Variants in PCDHGA11 observed in about 807,000 individuals in gnomAD.
PCDHGA11 encodes protocadherin gamma-A11.
In PCDHGA11, 39 loss-of-function variants were observed where a neutral mutation model predicts 60.4. That is an observed-to-expected ratio of 0.65 (90% CI 0.50 to 0.84). The LOEUF is 0.84. Ranked by LOEUF, PCDHGA11 falls within the 40% of genes least tolerant of loss-of-function variation. The probability of loss-of-function intolerance (pLI) is 0.00; values close to 1 mark genes in which losing one functional copy is unlikely to be tolerated. For synonymous variants in PCDHGA11, 533 were observed against 510.3 expected (o/e 1.04, Z -0.60); for missense variants, 1,165 against 1,197.7 (o/e 0.97, Z 0.40).
intron 1 of PCDHGA11, chr5:141,478,576 G>T (rs543160289): frequency 5.0e-6 from 8 of 1,585,598 alleles, no homozygotes; most frequent in Non-Finnish European, 6.9e-6. Flanking sequence ...GCTTGACCCT[G>T]TTAGTGCTTT....
rs765743251 is a variant in PCDHGA11 at position 141,476,488 on chromosome 5, G to A, written c.2434-18319G>A. ...TGGAGCTGTTCAGCGTGGAAGTGGTGATCCAGGACATCAACGACAACAATC... is the reference window on the plus strand; with the variant it reads ...TGGAGCTGTTCAGCGTGGAAGTGGTAATCCAGGACATCAACGACAACAATC... On this transcript the variant is annotated intron_variant, in intron 1 of 3. Coordinates refer to ENST00000398587, the MANE Select transcript of PCDHGA11 (RefSeq NM_018914.3). This position sits in a 1 kb window ranked among gnomAD's most constrained non-coding sequence, Gnocchi z 7.6. 4 of 1,613,932 alleles carry A rather than the reference G, an allele frequency of 2.5e-6. No homozygotes were observed. Among genetic ancestry groups the A allele is most frequent in the Non-Finnish European group, 3.4e-6 (4 of 1,180,016 alleles).
intron 2 of PCDHGA11, among the ~76,000 whole-genome samples, chr5:141,503,568 C>T (rs1357099545): frequency 6.9e-6 from 1 of 144,390 alleles, no homozygotes; most frequent in Non-Finnish European, 1.5e-5. Context: ...CACTGTACTC[C>T]AGCCTGGGTG....
intron 1 of PCDHGA11, chr5:141,440,534 C>A (rs562736984): frequency 1.3e-5 from 2 of 152,188 alleles, no homozygotes; most frequent in East Asian, 3.9e-4. Flanking sequence ...TCATGCACCA[C>A]GGTTCAGCAG....
Position 141,432,229 on chromosome 5 carries a change from C to T in PCDHGA11, c.2433+8569C>T, listed in dbSNP as rs1246285803. Reference sequence around the variant, plus strand: ...AAGAGAACGCCCAGATCACTTATTCCCTGGCTGAGAACACCATCCAAGGGG... The same window carrying T: ...AAGAGAACGCCCAGATCACTTATTCTCTGGCTGAGAACACCATCCAAGGGG... On this transcript the variant is annotated intron_variant, in intron 1 of 3. Coordinates refer to ENST00000398587, the MANE Select transcript of PCDHGA11 (RefSeq NM_018914.3). The surrounding 1 kb of genome is among the most constrained non-coding windows in gnomAD (Gnocchi z 6.0). The T allele has an allele frequency of 6.2e-7, 1 of 1,614,232 alleles. No homozygotes were observed.
rs758099753 is a variant in PCDHGA11, at chr5:141,432,129, A to G, written c.2433+8469A>G. The G allele has an allele frequency of 5.6e-6, 9 of 1,614,054 alleles. No homozygotes were observed. The highest frequency in any genetic ancestry group is 5.5e-5 in the South Asian group (5 of 91,056). On this transcript the variant is annotated intron_variant, in intron 1 of 3. Transcript: ENST00000398587. The surrounding 1 kb of genome is among the most constrained non-coding windows in gnomAD (Gnocchi z 6.0). Reference sequence around the variant, plus strand: ...CCGCCGGTCTTCCCTCAGGCCTCCTATTCCGCTTATATCCCAGAGAACAAT... The same window carrying G: ...CCGCCGGTCTTCCCTCAGGCCTCCTGTTCCGCTTATATCCCAGAGAACAAT...
chr5:141,476,839 G>A lies in PCDHGA11; in HGVS notation c.2434-17968G>A, dbSNP rs372676286. The A allele has an allele frequency of 5.0e-6, 8 of 1,613,490 alleles. No homozygotes were observed. Among genetic ancestry groups the A allele is most frequent in the South Asian group, 1.1e-5 (1 of 91,088 alleles). On this transcript the variant is annotated intron_variant, in intron 1 of 3. Transcript: ENST00000398587. The surrounding 1 kb of genome is among the most constrained non-coding windows in gnomAD (Gnocchi z 7.6). ...AGGTGCTGGACGCGAATGACAATGC[G>A]CCTGTCTTCAACCAGTCCTTGTACC...
At chr5:141,424,525 A>G (rs1010194490) in intron 1 of PCDHGA11, 2 of 152,196 alleles carry the variant, frequency 1.3e-5, no homozygotes, top group Non-Finnish European at 2.9e-5. Context: ...TAGTAAATCC[A>G]TATATAGAAA....
At chr5:141,459,763 G>A (rs1243169814) in intron 1 of PCDHGA11, among the ~76,000 whole-genome samples, 1 of 152,206 alleles carries the variant, frequency 6.6e-6, no homozygotes, top group South Asian at 2.1e-4. Context: ...GTGGGTGTGT[G>A]ATACTATCTC....
At chr5:141,500,509 G>A (rs1048476645) in intron 2 of PCDHGA11, among the ~76,000 whole-genome samples, 19 of 152,100 alleles carry the variant, frequency 1.2e-4, no homozygotes, top group South Asian at 4.2e-4. Context: ...GCGCCTGGCC[G>A]AGCTTCATTT....
chr5:141,490,584 T>G lies in PCDHGA11; in HGVS notation c.2434-4223T>G, dbSNP rs751060540. 1 of 1,614,170 alleles carries G rather than the reference T, an allele frequency of 6.2e-7. No individual in the cohort carries two copies. Among genetic ancestry groups the G allele is most frequent in the South Asian group, 1.1e-5 (1 of 91,080 alleles). ...TCAGGCTCAACATTTCAGATGTCAA[T>G]GACAATGCACCCCGCTTCAACCAGC... On this transcript the variant is annotated intron_variant, in intron 1 of 3. Transcript: ENST00000398587. This position sits in a 1 kb window ranked among gnomAD's most constrained non-coding sequence, Gnocchi z 5.4.
intron 1 of PCDHGA11, among the ~76,000 whole-genome samples, chr5:141,449,891 A>G (rs2098658520): frequency 6.6e-6 from 1 of 151,872 alleles, no homozygotes; most frequent in Non-Finnish European, 1.5e-5. Flanking sequence ...CAATATAATT[A>G]TTTAGCCTAT....
chr5:141,477,378 C>A lies in PCDHGA11; in HGVS notation c.2434-17429C>A. On this transcript the variant is annotated intron_variant, in intron 1 of 3. Coordinates refer to ENST00000398587, the MANE Select transcript of PCDHGA11 (RefSeq NM_018914.3). This position sits in a 1 kb window ranked among gnomAD's most constrained non-coding sequence, Gnocchi z 4.9. ...GCAGACCTGGATCGGGAGACTGTGC[C>A]AGAATACAACCTCAGCATCACCGCC... 2 of 1,614,136 alleles carry A rather than the reference C, an allele frequency of 1.2e-6. No homozygotes were observed. Among genetic ancestry groups the A allele is most frequent in the Non-Finnish European group, 1.7e-6 (2 of 1,180,034 alleles).
At chr5:141,478,821 A>G (rs72790063) in intron 1 of PCDHGA11, 38,524 of 1,444,166 alleles carry the variant, frequency 0.027, 650 homozygotes, top group East Asian at 0.045. Flanking sequence ...CAACTAACCA[A>G]TCTTGCTAAG....
In PCDHGA11 at chr5:141,491,801, G is replaced by C; in HGVS notation, c.2434-3006G>C. 1 of 1,500,844 alleles carries C rather than the reference G, an allele frequency of 6.7e-7. No individual in the cohort carries two copies. Among genetic ancestry groups the C allele is most frequent in the Non-Finnish European group, 8.9e-7 (1 of 1,125,292 alleles). The allele number at this position is 1,500,844 out of a possible 1,614,324, so 93.0% of individuals were successfully genotyped here. The stretch of plus-strand genomic sequence containing the variant: ...AACTTGCATCCACTCCTCTCCGGCC[G>C]GCTTGGTCGCTGGCTGCGCTCCACC... On this transcript the variant is annotated intron_variant, in intron 1 of 3. Coordinates refer to ENST00000398587, the MANE Select transcript of PCDHGA11 (RefSeq NM_018914.3). The surrounding 1 kb of genome is among the most constrained non-coding windows in gnomAD (Gnocchi z 6.9).
At chr5:141,440,841 A>G (rs1361003883) in intron 1 of PCDHGA11, 5 of 152,114 alleles carry the variant, frequency 3.3e-5, no homozygotes, top group Admixed American at 1.3e-4. Flanking sequence ...GTTGAAGCCA[A>G]TGACAACCCT....
chr5:141,493,679 G>C lies in PCDHGA11; in HGVS notation c.2434-1128G>C. On this transcript the variant is annotated intron_variant, in intron 1 of 3. Transcript: ENST00000398587. This position sits in a 1 kb window ranked among gnomAD's most constrained non-coding sequence, Gnocchi z 4.3. ...CCTTCTCCATGGCAGCCCCAGAATG[G>C]TGCTGGTGACTCCCGATACACCTGG... Among the ~76,000 whole-genome samples the C allele has an allele frequency of 6.6e-6, 1 of 152,198 alleles. No individual in the cohort carries two copies. Among genetic ancestry groups the C allele is most frequent in the African/African-American group, 2.4e-5 (1 of 41,446 alleles).
Position 141,423,463 on chromosome 5 carries a change from G to T in PCDHGA11, c.2236G>T (p.Gly746Trp), listed in dbSNP as rs772779471. 22 of 1,613,992 alleles carry T rather than the reference G, an allele frequency of 1.4e-5. No individual in the cohort carries two copies. Among genetic ancestry groups the T allele is most frequent in the Non-Finnish European group, 1.8e-5 (21 of 1,179,934 alleles). ...CACGTCACATTTTGTAGGCGTGGAC[G>T]GGGTACAGGCTTTCCTGCAAACCTA... is the stretch of plus-strand genomic sequence containing the variant. ...MPTSHFVGVD[G>W]VQAFLQTYSH... is the part of the protein sequence containing the mutation. Residue 746 changes from glycine (G) to tryptophan (W), a missense_variant, in exon 1 of 4, where the codon GGG becomes TGG. By Grantham distance (184) the Gly-to-Trp change is radical. Transcript: ENST00000398587.
chr5:141,453,333 A>T (rs181261279), intron 1 of PCDHGA11, among the ~76,000 whole-genome samples: 3 of 151,914 alleles, frequency 2.0e-5, no homozygotes, highest in Admixed American at 1.3e-4. Context: ...GGGTCTCACT[A>T]TGTTTCCCCA....
chr5:141,468,458 G>A (rs1047447240), intron 1 of PCDHGA11: 3 of 152,134 alleles, frequency 2.0e-5, no homozygotes, highest in African/African-American at 7.2e-5. Flanking sequence ...ATTAAAGCAA[G>A]TTATTTCTGA....
Sources: allele counts gnomAD v4.1 joint callset (sites outside exome capture counted in the v4.1 genomes callset), GRCh38; gene constraint gnomAD v4.1.1; non-coding constraint Gnocchi (gnomAD v3.1); transcripts MANE v1.5; gene names NCBI Gene and HGNC (gene_info 2026-07-23, HGNC 2026-07-21).